The following CCDC6 variants were observed in gnomAD, a reference collection of about 807,000 sequenced individuals.
The protein encoded by CCDC6 is coiled-coil domain containing 6, also known as coiled-coil domain-containing protein 6.
CCDC6 carries 20 observed loss-of-function variants against 56.6 expected under a neutral mutation model. That is an observed-to-expected ratio of 0.35 (90% CI 0.25 to 0.51). The LOEUF (loss-of-function observed/expected upper bound fraction) is 0.51. Ranked by LOEUF, CCDC6 falls within the 20% of genes least tolerant of loss-of-function variation. The pLI is 0.95. For synonymous variants in CCDC6, 241 were observed against 234.4 expected (o/e 1.03, Z -0.26); for missense variants, 367 against 601.1 (o/e 0.61, Z 4.07).
intron 3 of CCDC6, among the ~76,000 whole-genome samples, chr10:59,825,214 G>A (rs943499346): frequency 6.6e-6 from 1 of 152,178 alleles, no homozygotes; most frequent in Non-Finnish European, 1.5e-5. Context: ...TTGTGGGAGG[G>A]AACTGGTGGG....
intron 1 of CCDC6, among the ~76,000 whole-genome samples, chr10:59,859,197 T>TGC (rs1331797034): frequency 9.0e-6 from 1 of 111,510 alleles, no homozygotes; most frequent in Non-Finnish European, 1.9e-5. Flanking sequence ...TACATGTGTG[T>TGC]GCGTGTGTGT....
At chr10:59,895,920 A>G (rs2071459199) in intron 1 of CCDC6, among the ~76,000 whole-genome samples, 1 of 152,206 alleles carries the variant, frequency 6.6e-6, no homozygotes, top group Non-Finnish European at 1.5e-5. Flanking sequence ...ATAGGCGACC[A>G]TGTCTATGTG....
intron 2 of CCDC6, among the ~76,000 whole-genome samples, chr10:59,837,735 A>T (rs558777268): frequency 2.4e-4 from 29 of 121,904 alleles, no homozygotes; most frequent in African/African-American, 9.4e-4. Flanking sequence ...AACAAGAGTG[A>T]GACTCTGTCT....
At position 59,804,409 on chromosome 10, in the gene CCDC6, CAT is replaced by C. The variant is rs1291760825; in HGVS notation, c.1105+9_1105+10del. Reference sequence around the variant, plus strand: ...AATCAGTCACTGAAATAGCCAAAGACATATGCTCACCAGGTGATATAGGCCTG... The same window carrying C: ...AATCAGTCACTGAAATAGCCAAAGACATGCTCACCAGGTGATATAGGCCTG... On this transcript the variant is annotated intron_variant, in intron 7 of 8. Coordinates refer to ENST00000263102, the MANE Select transcript of CCDC6 (RefSeq NM_005436.5). The C allele has an allele frequency of 6.5e-7, 1 of 1,541,704 alleles. No individual in the cohort carries two copies. The highest frequency in any genetic ancestry group is 1.1e-5 in the South Asian group (1 of 89,608).
intron 1 of CCDC6, among the ~76,000 whole-genome samples, chr10:59,869,277 C>A (rs542643130): frequency 3.3e-5 from 5 of 151,398 alleles, no homozygotes; most frequent in African/African-American, 1.2e-4. Context: ...CAACTGCCAA[C>A]CTGTCGTCAC....
At chr10:59,868,519 A>G (rs1249246284) in intron 1 of CCDC6, among the ~76,000 whole-genome samples, 1 of 151,672 alleles carries the variant, frequency 6.6e-6, no homozygotes, top group Non-Finnish European at 1.5e-5. Context: ...CTCTAATAAA[A>G]CCCCACATCT....
rs941511978 is a variant in CCDC6, at chr10:59,808,327, C to T, written c.848-1249G>A. The stretch of plus-strand genomic sequence containing the variant: ...TCCCCGGAGCCATCAAAACTCTTGT[C>T]CTTCCAAGGTTATTCTTCACAGGAT... On this transcript the variant is annotated intron_variant, in intron 5 of 8. Coordinates refer to ENST00000263102, the MANE Select transcript of CCDC6 (RefSeq NM_005436.5). Among the ~76,000 whole-genome samples the T allele has an allele frequency of 6.6e-5, 10 of 152,150 alleles. 1 individual carries two copies. The highest frequency in any genetic ancestry group is 3.3e-4 in the Admixed American group (5 of 15,272).
At chr10:59,893,771 A>C (rs1313645921) in intron 1 of CCDC6, among the ~76,000 whole-genome samples, 1 of 152,112 alleles carries the variant, frequency 6.6e-6, no homozygotes, top group Admixed American at 6.6e-5. Context: ...GCAGTTCCCA[A>C]AATCTATTCC....
intron 2 of CCDC6, among the ~76,000 whole-genome samples, chr10:59,834,374 A>G (rs1204824342): frequency 6.6e-6 from 1 of 152,018 alleles, no homozygotes; most frequent in Non-Finnish European, 1.5e-5. Context: ...CTCTACTAAA[A>G]ATACAAACAA....
chr10:59,833,647 G>T (rs898774201), intron 2 of CCDC6, among the ~76,000 whole-genome samples: 5 of 143,810 alleles, frequency 3.5e-5, no homozygotes, highest in South Asian at 4.9e-4. Flanking sequence ...AACTGGGGGG[G>T]GGGGGGGTTT....
At chr10:59,794,632 G>C in intron 7 of CCDC6, 35 bp from the exon 8 acceptor site, 1 of 1,603,448 alleles carries the variant, frequency 6.2e-7, no homozygotes, top group Non-Finnish European at 8.5e-7. Context: ...ATCATTTTAA[G>C]CTCAACTATC....
intron 7 of CCDC6, among the ~76,000 whole-genome samples, chr10:59,795,171 G>A (rs1214762400): frequency 6.6e-6 from 1 of 151,868 alleles, no homozygotes; most frequent in Non-Finnish European, 1.5e-5. Context: ...AGACTGAAAA[G>A]GCAACCTATA....
chr10:59,851,809 A>G (rs764556992), intron 2 of CCDC6, among the ~76,000 whole-genome samples: 7 of 152,162 alleles, frequency 4.6e-5, no homozygotes, highest in Non-Finnish European at 8.8e-5. Flanking sequence ...ATTTTGGACA[A>G]GCTATGTTAA....
Position 59,793,115 on chromosome 10 carries a change from C to A in CCDC6, c.1231-4G>T. ...TGCTTCTCCGTGGTGAAGGCCTCTG[C>A]AGAGGGGACAGGAACAGCAAGTCAG... On this transcript the variant is annotated splice_region_variant and splice_polypyrimidine_tract_variant and intron_variant, in intron 8 of 8. Transcript: ENST00000263102. 1.2e-6 allele frequency: 2 copies of A among 1,613,618 alleles called. No homozygotes were observed. The highest frequency in any genetic ancestry group is 1.7e-6 in the Non-Finnish European group (2 of 1,179,678).
chr10:59,896,797 G>A (rs1216226274), intron 1 of CCDC6, among the ~76,000 whole-genome samples: 4 of 149,754 alleles, frequency 2.7e-5, no homozygotes, highest in African/African-American at 1.0e-4. Context: ...CCACTGAATT[G>A]TACACTTACA....
intron 5 of CCDC6, among the ~76,000 whole-genome samples, chr10:59,811,115 G>T (rs1291878569): frequency 1.3e-5 from 2 of 152,212 alleles, no homozygotes; most frequent in Admixed American, 6.5e-5. Context: ...TTTTAGCCTA[G>T]TGAGTCCCAT....
Position 59,790,156 on chromosome 10 carries a change from A to G in CCDC6, c.*2761T>C, listed in dbSNP as rs779654067. ...AGAGGTGTCAGGTATTAGGTAAGTT[A>G]ATTTGGTTTTGTATAAAAGGCATGG... On this transcript the variant is annotated 3_prime_UTR_variant, in exon 9 of 9. Coordinates refer to ENST00000263102, the MANE Select transcript of CCDC6 (RefSeq NM_005436.5). 2.0e-4 allele frequency: 44 copies of G among 215,608 alleles called. No individual in the cohort carries two copies. The highest frequency in any genetic ancestry group is 5.6e-4 in the South Asian group (3 of 5,346). The allele number at this position is 215,608 out of a possible 1,614,324, so 13.4% of individuals were successfully genotyped here.
intron 3 of CCDC6, among the ~76,000 whole-genome samples, chr10:59,829,268 G>A (rs1356525619): frequency 2.0e-5 from 3 of 152,148 alleles, no homozygotes; most frequent in South Asian, 2.1e-4. Flanking sequence ...CAAACACATC[G>A]TGACCAACTC....
intron 3 of CCDC6, among the ~76,000 whole-genome samples, chr10:59,819,625 G>A (rs897363162): frequency 6.6e-6 from 1 of 152,172 alleles, no homozygotes; most frequent in African/African-American, 2.4e-5. Context: ...TTCCAGGGTA[G>A]TAAGTTGGAA....
Sources: allele counts gnomAD v4.1 joint callset (sites outside exome capture counted in the v4.1 genomes callset), GRCh38; gene constraint gnomAD v4.1.1; transcripts MANE v1.5; gene names NCBI Gene and HGNC (gene_info 2026-07-23, HGNC 2026-07-21).